The following AHI1 variants were observed in gnomAD, a reference collection of about 807,000 sequenced individuals.
The protein encoded by AHI1 is jouberin.
Under a neutral mutation model 149.3 loss-of-function variants are expected in AHI1, and 123 were observed. That is an observed-to-expected ratio of 0.82 (90% confidence interval 0.71 to 0.96). The LOEUF (loss-of-function observed/expected upper bound fraction) is 0.96, where lower values mean the gene tolerates loss of function less well. AHI1 is among the 40% of genes least tolerant of loss of function. The pLI is 0.00. For synonymous variants in AHI1, 475 were observed against 459.8 expected, an observed-to-expected ratio of 1.03 and a Z score of -0.42; for missense variants, 1,439 against 1,422.7, an observed-to-expected ratio of 1.01 and a Z score of -0.18.
chr6:135,340,832 G>A (rs1014175070), intron 24 of AHI1, among the ~76,000 whole-genome samples: 1 of 150,956 alleles, frequency 6.6e-6, no homozygotes, highest in African/African-American at 2.4e-5. Flanking sequence ...AGGCAGAAGG[G>A]AAATGAACTA....
chr6:135,392,559 A>T (rs974525926), intron 23 of AHI1, among the ~76,000 whole-genome samples: 3 of 152,288 alleles, frequency 2.0e-5, no homozygotes, highest in Non-Finnish European at 2.9e-5. Context: ...GACAGATGTG[A>T]CTTGTATATT....
At chr6:135,336,499 G>A (rs943940574) in intron 24 of AHI1, among the ~76,000 whole-genome samples, 2 of 152,182 alleles carry the variant, frequency 1.3e-5, no homozygotes, top group Admixed American at 6.5e-5. Flanking sequence ...TTGGGAGGCT[G>A]AGGCAGGAGG....
chr6:135,294,453 G>A (rs1234408912), intron 27 of AHI1, among the ~76,000 whole-genome samples: 1 of 152,080 alleles, frequency 6.6e-6, no homozygotes, highest in Non-Finnish European at 1.5e-5. Flanking sequence ...AGGTTGCAGT[G>A]AGCCAAGATC....
chr6:135,346,048 T>C (rs1296137683), intron 24 of AHI1, among the ~76,000 whole-genome samples: 4 of 152,138 alleles, frequency 2.6e-5, no homozygotes, highest in Non-Finnish European at 5.9e-5. Context: ...ATAAGAGAAC[T>C]AGCTAAGCTT....
intron 26 of AHI1, chr6:135,306,716 A>C (rs1784571395): frequency 6.6e-6 from 1 of 152,198 alleles, no homozygotes; most frequent in South Asian, 2.1e-4. Context: ...TAGTGAAAGA[A>C]ATGGACAACT....
intron 23 of AHI1, among the ~76,000 whole-genome samples, chr6:135,360,225 T>C (rs1330380426): frequency 6.6e-6 from 1 of 152,198 alleles, no homozygotes; most frequent in African/African-American, 2.4e-5. Flanking sequence ...TAGCATGCTA[T>C]AATGGTTAGT....
chr6:135,318,661 T>A, intron 25 of AHI1, 45 bp from the exon 26 acceptor site: 1 of 1,285,592 alleles, frequency 7.8e-7, no homozygotes, highest in Middle Eastern at 1.9e-4. Flanking sequence ...TGAGGAGCAC[T>A]GCTCCATGGG....
At chr6:135,314,002 A>G (rs10214644) in intron 26 of AHI1, among the ~76,000 whole-genome samples, 11,074 of 152,268 alleles carry the variant, frequency 0.073, 1,282 homozygotes, top group African/African-American at 0.24. Context: ...GACTAAAAGT[A>G]TTGTTAGCTG....
chr6:135,323,044 C>T, intron 25 of AHI1, 118 bp downstream of exon 25: 1 of 1,063,504 alleles, frequency 9.4e-7, no homozygotes, highest in Non-Finnish European at 1.3e-6. Flanking sequence ...AAAACAATAC[C>T]CATTGGTAAA....
At chr6:135,351,109 A>C (rs919333425) in intron 24 of AHI1, among the ~76,000 whole-genome samples, 1 of 151,768 alleles carries the variant, frequency 6.6e-6, no homozygotes, top group Non-Finnish European at 1.5e-5. Flanking sequence ...GCAATAAACA[A>C]ATACATACAT....
intron 26 of AHI1, among the ~76,000 whole-genome samples, chr6:135,312,409 G>C (rs753736345): frequency 1.3e-5 from 2 of 152,136 alleles, no homozygotes; most frequent in Non-Finnish European, 2.9e-5. Flanking sequence ...AGCTACTTGG[G>C]AGGCTGAGGC....
Position 135,438,435 on chromosome 6 carries a change from T to A in AHI1, c.1976A>T (p.Asp659Val), listed in dbSNP as rs541041911. ...GTGATCATCTTTTGACCAGGAAAGA[T>A]CATAAATGATATTGAGGTGGCCACA... Reference protein sequence around the residue: ...ELCGHLNIIYDLSWSKDDHYI... With the variant: ...ELCGHLNIIYVLSWSKDDHYI... Residue 659 changes from aspartate (D) to valine (V), a missense_variant, in exon 15 of 29, where the codon GAT becomes GTT. Transcript: ENST00000265602. 1 of 1,562,846 alleles carries A rather than the reference T, an allele frequency of 6.4e-7. No individual in the cohort carries two copies. Among genetic ancestry groups the A allele is most frequent in the Non-Finnish European group, 8.7e-7 (1 of 1,151,910 alleles).
At chr6:135,475,101 G>C (rs1310833093) in intron 5 of AHI1, among the ~76,000 whole-genome samples, 1 of 152,030 alleles carries the variant, frequency 6.6e-6, no homozygotes, top group Non-Finnish European at 1.5e-5. Context: ...TATAATGTTC[G>C]AGTTATCTAT....
At chr6:135,371,694 A>G (rs1775089650) in intron 23 of AHI1, among the ~76,000 whole-genome samples, 1 of 152,198 alleles carries the variant, frequency 6.6e-6, no homozygotes, top group Non-Finnish European at 1.5e-5. Flanking sequence ...GAAGTCATAT[A>G]GTTTAGTTTC....
chr6:135,345,038 T>C (rs111998350), intron 24 of AHI1, among the ~76,000 whole-genome samples: 2,659 of 152,034 alleles, frequency 0.017, 75 homozygotes, highest in African/African-American at 0.06. Flanking sequence ...AGCAAAGAAT[T>C]TGAATTAGAC....
At chr6:135,493,760 C>T (rs916388956) in intron 3 of AHI1, among the ~76,000 whole-genome samples, 1 of 152,002 alleles carries the variant, frequency 6.6e-6, no homozygotes, top group Non-Finnish European at 1.5e-5. Context: ...AAAAAAAAGC[C>T]TGCTGGGCGC....
intron 26 of AHI1, among the ~76,000 whole-genome samples, chr6:135,305,389 T>C (rs1230130265): frequency 1.3e-5 from 2 of 152,246 alleles, no homozygotes; most frequent in Non-Finnish European, 2.9e-5. Flanking sequence ...ATCAAAACTA[T>C]CTTGCAAATA....
chr6:135,439,151 T>C (rs1785872828), intron 14 of AHI1, among the ~76,000 whole-genome samples: 1 of 152,218 alleles, frequency 6.6e-6, no homozygotes, highest in African/African-American at 2.4e-5. Context: ...AGTTCAGAAA[T>C]AACAGCAGTC....
At chr6:135,340,877 A>G (rs1790267073) in intron 24 of AHI1, among the ~76,000 whole-genome samples, 2 of 151,308 alleles carry the variant, frequency 1.3e-5, no homozygotes, top group Admixed American at 1.3e-4. Context: ...TACTGAAATT[A>G]ACTTGGTATT....
Sources: allele counts gnomAD v4.1 joint callset (sites outside exome capture counted in the v4.1 genomes callset), GRCh38; gene constraint gnomAD v4.1.1; transcripts MANE v1.5; gene names NCBI Gene and HGNC (gene_info 2026-07-23, HGNC 2026-07-21).